The following CD300C variants were observed in gnomAD, a reference collection of about 807,000 sequenced individuals.
CD300C encodes CMRF35-like molecule 6.
CD300C carries 11 observed loss-of-function variants against 18.4 expected under a neutral mutation model. The ratio of observed to expected loss-of-function variants is 0.60; its 90% CI spans 0.38 to 0.99. CD300C has a LOEUF of 0.99. CD300C is among the 50% of genes least tolerant of loss of function. The pLI is 0.01. For synonymous variants in CD300C, 116 were observed against 116.3 expected (o/e 1.00, Z 0.02); for missense variants, 277 against 287.4 (o/e 0.96, Z 0.26).
In CD300C at chr17:74,543,002, C is replaced by G; in HGVS notation, c.401-15G>C. 1.2e-6 allele frequency: 2 copies of G among 1,613,124 alleles called. No individual in the cohort carries two copies. The highest frequency in any genetic ancestry group is 1.7e-6 in the Non-Finnish European group (2 of 1,179,988). Reference sequence around the variant, plus strand: ...GGTCGTCCCGGCTGTGGGTGAAACACAGGTCAACCTTGATGACATCACATG... The same window carrying G: ...GGTCGTCCCGGCTGTGGGTGAAACAGAGGTCAACCTTGATGACATCACATG... On this transcript the variant is annotated splice_polypyrimidine_tract_variant and intron_variant, in intron 2 of 3. Coordinates refer to ENST00000330793, the MANE Select transcript of CD300C (RefSeq NM_006678.5).
chr17:74,542,289 G>A (rs186970425), intron 3 of CD300C, among the ~76,000 whole-genome samples: 3 of 152,220 alleles, frequency 2.0e-5, no homozygotes, highest in Admixed American at 1.3e-4. Context: ...CCAGGGCTGC[G>A]AGAGAGGCAG....
At chr17:74,543,830 G>A (rs1908648341) in intron 2 of CD300C, among the ~76,000 whole-genome samples, 1 of 152,174 alleles carries the variant, frequency 6.6e-6, no homozygotes, top group Non-Finnish European at 1.5e-5. Context: ...ACGGGAAAGG[G>A]CCCTCAGGTC....
chr17:74,545,152 G>A (rs1055285069), intron 1 of CD300C, among the ~76,000 whole-genome samples: 1 of 152,208 alleles, frequency 6.6e-6, no homozygotes, highest in Admixed American at 6.5e-5. Flanking sequence ...ATGGAGACTG[G>A]AAAGGCAAGG....
In CD300C at chr17:74,542,900, A is replaced by G; in HGVS notation, c.488T>C (p.Val163Ala). 6.2e-7 allele frequency: 1 copy of G among 1,611,286 alleles called. No individual in the cohort carries two copies. The highest frequency in any genetic ancestry group is 1.8e-4 in the Middle Eastern group (1 of 5,536). The change falls in exon 3 of 4, where the codon GTG (valine) becomes GCG (alanine). Residue 163 changes from valine to alanine, a missense_variant. Coordinates refer to ENST00000330793, the MANE Select transcript of CD300C (RefSeq NM_006678.5). The stretch of plus-strand genomic sequence containing the variant: ...GGGTTCGGGGCTGTCCTTTCTGGTC[A>G]CGCTGGGCCAGGTGTGCACGGGCAG... Reference protein sequence around the residue: ...TKLPVHTWPSVTRKDSPEPSP... With the variant: ...TKLPVHTWPSATRKDSPEPSP...
Position 74,541,411 on chromosome 17 carries a change from A to C in CD300C, c.*178T>G. 1.6e-6 allele frequency: 1 copy of C among 627,820 alleles called. No individual in the cohort carries two copies. Among genetic ancestry groups the C allele is most frequent in the Non-Finnish European group, 2.9e-6 (1 of 347,484 alleles). 38.9% of individuals were successfully genotyped at this position (627,820 alleles called of 1,614,324 possible). On this transcript the variant is annotated 3_prime_UTR_variant, in exon 4 of 4. Transcript: ENST00000330793. Reference sequence around the variant, plus strand: ...CGTGGACTCACAGCTCAGGGCGTCCATGTCCGTCAGGTTCACATGTGACAC... The same window carrying C: ...CGTGGACTCACAGCTCAGGGCGTCCCTGTCCGTCAGGTTCACATGTGACAC...
chr17:74,545,618 C>T, intron 1 of CD300C, 104 bp downstream of exon 1: 1 of 925,422 alleles, frequency 1.1e-6, no homozygotes, highest in Non-Finnish European at 1.7e-6. Context: ...CCTCCCCTCT[C>T]CCTGCCCCAC....
At chr17:74,538,233 G>T (rs1314134436), downstream of CD300C, among the ~76,000 whole-genome samples, 2 of 152,166 alleles carry the variant, frequency 1.3e-5, no homozygotes, top group Non-Finnish European at 2.9e-5. Flanking sequence ...CGGTATTGAT[G>T]GGCATCAGAG....
At chr17:74,537,272 T>C (rs544561715), downstream of CD300C, among the ~76,000 whole-genome samples, 1 of 152,274 alleles carries the variant, frequency 6.6e-6, no homozygotes, top group South Asian at 2.1e-4. Context: ...CGAGTTATGG[T>C]ATGCTCATAC....
rs11870245 is a variant in CD300C, at chr17:74,544,797, G to A, written c.212C>T (p.Thr71Ile). ...QILRCDKIVE[T>I]KGSAGKRNGR... ...ATTCCTTTTCCCTGCTGACCCTTTG[G>A]TCTCCACAATCTTGTCACATCGGAG... Residue 71 changes from threonine (T) to isoleucine (I), a missense_variant, in exon 2 of 4, where the codon ACC becomes ATC. Physicochemically the swap from Thr to Ile is moderately conservative, Grantham distance 89. Transcript: ENST00000330793. 0.028 allele frequency: 45,637 copies of A among 1,614,114 alleles called. 3,016 individuals are homozygous for A. Among genetic ancestry groups the A allele is most frequent in the African/African-American group, 0.26 (19,561 of 74,976 alleles).
chr17:74,536,874 G>T (rs1908392891), downstream of CD300C, among the ~76,000 whole-genome samples: 3 of 152,076 alleles, frequency 2.0e-5, no homozygotes, highest in South Asian at 6.2e-4. Context: ...TACTCTAGGA[G>T]ACACTTTTGG....
downstream of CD300C, among the ~76,000 whole-genome samples, chr17:74,536,999 A>G (rs1908397116): frequency 6.6e-6 from 1 of 151,780 alleles, no homozygotes; most frequent in African/African-American, 2.4e-5. Context: ...AGGAGGACCA[A>G]GAGGTAGGAA....
Position 74,545,806 on chromosome 17 carries a change from C to A in CD300C, c.-24G>T, listed in dbSNP as rs373665708. 20 of 1,598,816 alleles carry A rather than the reference C, an allele frequency of 1.3e-5. No homozygotes were observed. In the African/African-American group the frequency reaches 2.0e-4, roughly 16 times the overall value. ...ATTCCTGTAACACGAATGTCACCTGCCACTGTGCAAGACCCCAGGAGGGGA... is the reference window on the plus strand; with the variant it reads ...ATTCCTGTAACACGAATGTCACCTGACACTGTGCAAGACCCCAGGAGGGGA... On this transcript the variant is annotated 5_prime_UTR_variant, in exon 1 of 4. Coordinates refer to ENST00000330793, the MANE Select transcript of CD300C (RefSeq NM_006678.5).
chr17:74,545,639 G>C, intron 1 of CD300C, 83 bp downstream of exon 1: 1 of 1,106,484 alleles, frequency 9.0e-7, no homozygotes, highest in Admixed American at 2.0e-5. Context: ...TCCCCTCTAT[G>C]ACCGCTACTC....
In CD300C at chr17:74,541,507, C is replaced by A; in HGVS notation, c.*82G>T. ...ATTCCAGGAGATGTGGAGAGAGCAG[C>A]CCGGGAGGGAGTGGTCAGGAGGTCA... On this transcript the variant is annotated 3_prime_UTR_variant, in exon 4 of 4. Transcript: ENST00000330793. The A allele has an allele frequency of 1.1e-6, 1 of 922,676 alleles. No homozygotes were observed. The highest frequency in any genetic ancestry group is 1.8e-6 in the Non-Finnish European group (1 of 556,788). The allele number at this position is 922,676 out of a possible 1,614,324, so 57.2% of individuals were successfully genotyped here. A position where few individuals can be genotyped will look rare whatever the true frequency, so the allele number is the denominator to read the frequency against.
At chr17:74,543,108 A>G in intron 2 of CD300C, 121 bp from the exon 3 acceptor site, 1 of 1,375,712 alleles carries the variant, frequency 7.3e-7, no homozygotes, top group Non-Finnish European at 1.0e-6. Context: ...GATGCCCTGC[A>G]TCCATCATGC....
rs756962949 is a variant in CD300C at position 74,541,654 on chromosome 17, A to C, written c.610T>G (p.Trp204Gly). Residue 204 changes from tryptophan (W) to glycine (G), a missense_variant, in exon 4 of 4, where the codon TGG becomes GGG. Transcript: ENST00000330793. ...LLLSMLGAVL[W>G]VNRPQRSSRS... Reference sequence around the variant, plus strand: ...GAGCTTCTCTGAGGTCTGTTCACCCAGAGGACGGCACCCAGCATGCTCAGG... The same window carrying C: ...GAGCTTCTCTGAGGTCTGTTCACCCCGAGGACGGCACCCAGCATGCTCAGG... 15 of 1,613,922 alleles carry C rather than the reference A, an allele frequency of 9.3e-6. No individual in the cohort carries two copies. The highest frequency in any genetic ancestry group is 1.3e-5 in the African/African-American group (1 of 74,898).
In CD300C at chr17:74,541,289, G is replaced by A. The variant is rs988323550; in HGVS notation, c.*300C>T. On this transcript the variant is annotated 3_prime_UTR_variant, in exon 4 of 4. Coordinates refer to ENST00000330793, the MANE Select transcript of CD300C (RefSeq NM_006678.5). ...AAAACGGTGGAGGAAGCAGTGCCAGGCTCCTGGAGAAATGGAAGGGTGCAG... is the reference window on the plus strand; with the variant it reads ...AAAACGGTGGAGGAAGCAGTGCCAGACTCCTGGAGAAATGGAAGGGTGCAG... 1 of 314,512 alleles carries A rather than the reference G, an allele frequency of 3.2e-6. No homozygotes were observed. The highest frequency in any genetic ancestry group is 6.1e-6 in the Non-Finnish European group (1 of 162,606). The allele number at this position is 314,512 out of a possible 1,614,324, so 19.5% of individuals were successfully genotyped here. A position where few individuals can be genotyped will look rare whatever the true frequency, so the allele number is the denominator to read the frequency against.
At chr17:74,541,851 AC>A (rs1307919502) in intron 3 of CD300C, 115 bp from the exon 4 acceptor site, 41 of 1,082,586 alleles carry the variant, frequency 3.8e-5, no homozygotes, top group Non-Finnish European at 5.1e-5. Flanking sequence ...CCACATAAGC[AC>A]CCCCCTGGAC....
downstream of CD300C, among the ~76,000 whole-genome samples, chr17:74,537,864 G>A (rs370079096): frequency 3.9e-5 from 6 of 152,244 alleles, no homozygotes; most frequent in East Asian, 1.2e-3. Flanking sequence ...GGCTGAGACA[G>A]GACCAAGGCT....
Sources: allele counts gnomAD v4.1 joint callset (sites outside exome capture counted in the v4.1 genomes callset), GRCh38; gene constraint gnomAD v4.1.1; transcripts MANE v1.5; gene names NCBI Gene and HGNC (gene_info 2026-07-23, HGNC 2026-07-21).